NYAP2: variants seen among roughly 807,000 people sequenced by gnomAD.
NYAP2 encodes the protein neuronal tyrosine-phosphorylated phosphoinositide-3-kinase adapter 2.
A neutral mutation model predicts 50.4 loss-of-function variants in NYAP2; 23 were observed. The observed-to-expected ratio is 0.46, with a 90% CI of 0.33 to 0.65. The LOEUF (loss-of-function observed/expected upper bound fraction) is 0.65. NYAP2 is among the 30% of genes least tolerant of loss of function. NYAP2 has a pLI of 0.02. For synonymous variants in NYAP2, 394 were observed against 365.2 expected (o/e 1.08, Z -0.90); for missense variants, 885 against 861.0 (o/e 1.03, Z -0.35).
intron 4 of NYAP2, among the ~76,000 whole-genome samples, chr2:225,525,530 T>C (rs1294241259): frequency 1.3e-5 from 2 of 152,116 alleles, no homozygotes; most frequent in African/African-American, 4.8e-5. Context: ...CAGGAAGTCA[T>C]ATACCTCATG....
intron 4 of NYAP2, among the ~76,000 whole-genome samples, chr2:225,553,411 A>G (rs1691717167): frequency 6.6e-6 from 1 of 152,228 alleles, no homozygotes; most frequent in African/African-American, 2.4e-5. Context: ...AGGGCTGAAC[A>G]TGGAAGGATG....
chr2:225,550,227 A>G (rs1691647784), intron 4 of NYAP2, among the ~76,000 whole-genome samples: 1 of 152,194 alleles, frequency 6.6e-6, no homozygotes, highest in Non-Finnish European at 1.5e-5. Flanking sequence ...ATACACATGG[A>G]TGGTCCCCTT....
intron 3 of NYAP2, among the ~76,000 whole-genome samples, chr2:225,412,744 G>C (rs1317235219): frequency 6.6e-6 from 1 of 152,156 alleles, no homozygotes; most frequent in Non-Finnish European, 1.5e-5. Context: ...GAGAAGAGCT[G>C]GAGGCTTGGG....
intron 4 of NYAP2, among the ~76,000 whole-genome samples, chr2:225,577,520 A>T (rs565868335): frequency 1.3e-4 from 20 of 152,168 alleles, no homozygotes; most frequent in African/African-American, 4.6e-4. Flanking sequence ...GGACAATGTT[A>T]TCTGAAATTT....
chr2:225,510,375 C>T (rs1237274025), intron 3 of NYAP2, among the ~76,000 whole-genome samples: 4 of 152,256 alleles, frequency 2.6e-5, no homozygotes, highest in African/African-American at 7.2e-5. Flanking sequence ...ACATCAGAAA[C>T]ATCTGGATAT....
At chr2:225,459,655 A>C (rs1317325632) in intron 3 of NYAP2, among the ~76,000 whole-genome samples, 2 of 151,340 alleles carry the variant, frequency 1.3e-5, no homozygotes, top group African/African-American at 4.9e-5. Context: ...TTATTTATTT[A>C]TTTTTTGAGA....
the NYAP2 span, among the ~76,000 whole-genome samples, chr2:225,677,907 A>G: frequency 4.6e-5 from 7 of 152,084 alleles, no homozygotes; most frequent in Non-Finnish European, 1.0e-4. Context: ...AGATTTTGGT[A>G]TCAGGATGAG....
chr2:225,559,787 C>T (rs1324926899), intron 4 of NYAP2, among the ~76,000 whole-genome samples: 5 of 152,028 alleles, frequency 3.3e-5, no homozygotes, highest in Admixed American at 6.6e-5. Flanking sequence ...TTCCTAGTCA[C>T]CCTACCATAA....
the NYAP2 span, among the ~76,000 whole-genome samples, chr2:225,662,553 C>A: frequency 2.0e-5 from 3 of 152,252 alleles, no homozygotes; most frequent in African/African-American, 7.2e-5. Context: ...GGAACCCCAA[C>A]TGTACTGTCA....
At position 225,484,220 on chromosome 2, in the gene NYAP2, T is replaced by C. The variant is rs145277940; in HGVS notation, c.222-29151T>C. ...AAAGGCCTGTATCCACTTTGCTCTT[T>C]TGTCTTAGTTCTACAAGCAGGCCAT... On this transcript the variant is annotated intron_variant, in intron 3 of 6. Transcript: ENST00000636099. 2.4e-3 allele frequency among the ~76,000 whole-genome samples: 361 copies of C among 152,328 alleles called. 3 individuals are homozygous for C. Among genetic ancestry groups the C allele is most frequent in the African/African-American group, 8.2e-3 (341 of 41,582 alleles).
chr2:225,639,475 CT>C (rs533076137), intron 6 of NYAP2, among the ~76,000 whole-genome samples: 3 of 150,762 alleles, frequency 2.0e-5, no homozygotes, highest in African/African-American at 4.9e-5. Flanking sequence ...ACATTTTTTT[CT>C]TTTTTTTTGG....
At chr2:225,674,523 G>C in the NYAP2 span, among the ~76,000 whole-genome samples, 12 of 152,034 alleles carry the variant, frequency 7.9e-5, no homozygotes, top group African/African-American at 2.7e-4. Flanking sequence ...GTGTGTTAAG[G>C]TGCTACAGTG....
the NYAP2 span, among the ~76,000 whole-genome samples, chr2:225,688,239 GT>G: frequency 1.3e-5 from 2 of 152,054 alleles, no homozygotes; most frequent in Admixed American, 1.3e-4. Context: ...GCCTCCTGGG[GT>G]TTATAAAGCC....
intron 6 of NYAP2, among the ~76,000 whole-genome samples, chr2:225,633,508 C>G (rs1446714927): frequency 6.6e-6 from 1 of 152,204 alleles, no homozygotes; most frequent in Admixed American, 6.5e-5. Flanking sequence ...TACAAATGTA[C>G]TTTACTCCCA....
At chr2:225,630,005 G>C (rs1424445577) in intron 6 of NYAP2, among the ~76,000 whole-genome samples, 3 of 152,162 alleles carry the variant, frequency 2.0e-5, no homozygotes, top group Non-Finnish European at 4.4e-5. Flanking sequence ...ACTTTTGGTA[G>C]ATAAATAATA....
intron 6 of NYAP2, among the ~76,000 whole-genome samples, chr2:225,633,806 A>G (rs926379668): frequency 1.4e-4 from 21 of 152,232 alleles, no homozygotes; most frequent in African/African-American, 4.6e-4. Flanking sequence ...AAATCTCCCA[A>G]CTTTTAAATG....
chr2:225,424,246 C>A (rs1695255215), intron 3 of NYAP2, among the ~76,000 whole-genome samples: 1 of 152,008 alleles, frequency 6.6e-6, no homozygotes, highest in Non-Finnish European at 1.5e-5. Context: ...AAGTTTTTAT[C>A]AAATTATTTT....
At chr2:225,551,063 A>G (rs1296049571) in intron 4 of NYAP2, among the ~76,000 whole-genome samples, 3 of 152,342 alleles carry the variant, frequency 2.0e-5, no homozygotes, top group East Asian at 1.9e-4. Context: ...TGATTTTCCA[A>G]TTCCCATAAC....
At chr2:225,700,004 G>A in the NYAP2 span, 1 of 151,792 alleles carries the variant, frequency 6.6e-6, no homozygotes. Context: ...GAGAAAAGAT[G>A]TGTTTTTGAA....
Sources: allele counts gnomAD v4.1 joint callset (sites outside exome capture counted in the v4.1 genomes callset), GRCh38; gene constraint gnomAD v4.1.1; transcripts MANE v1.5; gene names NCBI Gene and HGNC (gene_info 2026-07-23, HGNC 2026-07-21).